Variants in DNAJC13 observed in about 807,000 individuals in gnomAD.
DNAJC13 encodes the protein dnaJ homolog subfamily C member 13.
A neutral mutation model predicts 290.5 loss-of-function variants in DNAJC13; 75 were observed. The observed-to-expected ratio is 0.26, with a 90% CI of 0.21 to 0.31. The LOEUF is 0.31. DNAJC13 is among the 10% of genes least tolerant of loss of function. The probability of loss-of-function intolerance (pLI) is 1.00; values close to 1 mark genes in which losing one functional copy is unlikely to be tolerated. For missense variants in DNAJC13, 2,260 were observed against 2,674.5 expected (o/e 0.85, Z 3.42); for synonymous variants, 862 against 892.0 (o/e 0.97, Z 0.60).
intron 15 of DNAJC13, among the ~76,000 whole-genome samples, chr3:132,462,201 G>A (rs1933820597): frequency 6.6e-6 from 1 of 152,032 alleles, no homozygotes; most frequent in African/African-American, 2.4e-5. Flanking sequence ...TCATTGATAT[G>A]TATCATTCAA....
In DNAJC13 at chr3:132,526,129, T is replaced by C. The variant is rs1450871813; in HGVS notation, c.6241-12T>C. On this transcript the variant is annotated splice_polypyrimidine_tract_variant and intron_variant, in intron 52 of 55. Transcript: ENST00000260818. ...GCCAGTCTACAAGTAACCTTCTCTT[T>C]TGGGCACTTAGCTGTGTGTTCGAGC... is the stretch of plus-strand genomic sequence containing the variant. The C allele has an allele frequency of 6.2e-7, 1 of 1,613,812 alleles. No individual in the cohort carries two copies. Among genetic ancestry groups the C allele is most frequent in the Non-Finnish European group, 8.5e-7 (1 of 1,179,866 alleles).
At chr3:132,519,868 G>T (rs1395655632) in intron 48 of DNAJC13, among the ~76,000 whole-genome samples, 2 of 152,124 alleles carry the variant, frequency 1.3e-5, no homozygotes, top group African/African-American at 4.8e-5. Context: ...AAAGAAAGAG[G>T]TTTATTGGAC....
intron 50 of DNAJC13, 44 bp downstream of exon 50, chr3:132,523,243 G>C (rs753719660): frequency 6.2e-7 from 1 of 1,605,186 alleles, no homozygotes. Flanking sequence ...TGTTGATTTA[G>C]TTGTTTTCAC....
intron 48 of DNAJC13, among the ~76,000 whole-genome samples, chr3:132,519,277 T>C (rs1254300103): frequency 2.0e-5 from 3 of 152,190 alleles, no homozygotes; most frequent in Non-Finnish European, 2.9e-5. Context: ...CATCTTCTTC[T>C]CTAACGCTTG....
chr3:132,453,820 C>A, intron 8 of DNAJC13, 126 bp downstream of exon 8: 2 of 816,562 alleles, frequency 2.4e-6, no homozygotes, highest in South Asian at 1.8e-5. Context: ...GTATTTAACT[C>A]TTAACATATT....
chr3:132,484,165 AT>A (rs1175544070), intron 28 of DNAJC13, among the ~76,000 whole-genome samples: 1 of 152,250 alleles, frequency 6.6e-6, no homozygotes, highest in Non-Finnish European at 1.5e-5. Context: ...ACTCAAAATT[AT>A]ACAGTTAGTA....
intron 41 of DNAJC13, among the ~76,000 whole-genome samples, chr3:132,504,857 A>T (rs183893009): frequency 6.6e-6 from 1 of 152,136 alleles, no homozygotes; most frequent in Admixed American, 6.5e-5. Flanking sequence ...CTCCCCATAA[A>T]TTTTATTTTC....
At chr3:132,530,443 C>G (rs187394672) in intron 54 of DNAJC13, among the ~76,000 whole-genome samples, 14 of 152,278 alleles carry the variant, frequency 9.2e-5, no homozygotes, top group Middle Eastern at 3.4e-3. Context: ...TATTTATACT[C>G]ATATATGTGT....
chr3:132,476,588 TA>T (rs896883886), intron 22 of DNAJC13, among the ~76,000 whole-genome samples: 2 of 152,192 alleles, frequency 1.3e-5, no homozygotes, highest in Non-Finnish European at 2.9e-5. Context: ...TCTGAGTCCT[TA>T]AAATGACTTA....
chr3:132,523,087 A>C, intron 49 of DNAJC13, 70 bp from the exon 50 acceptor site: 1 of 1,608,778 alleles, frequency 6.2e-7, no homozygotes, highest in South Asian at 1.1e-5. Flanking sequence ...CACCTCTAAA[A>C]CTTATGCTAA....
At position 132,472,431 on chromosome 3, in the gene DNAJC13, G is replaced by A. The variant is rs973187620; in HGVS notation, c.2209-714G>A. 3.0e-5 allele frequency: 12 copies of A among 397,826 alleles called. 1 individual carries two copies. The highest frequency in any genetic ancestry group is 3.1e-5 in the Non-Finnish European group (9 of 293,492). The allele number at this position is 397,826 out of a possible 1,614,324, so 24.6% of individuals were successfully genotyped here. A position where few individuals can be genotyped will look rare whatever the true frequency, so the allele number is the denominator to read the frequency against. On this transcript the variant is annotated intron_variant, in intron 20 of 55. Transcript: ENST00000260818. ...GAGTCACAGGCTTAGAGAAGCAGGT[G>A]CACCTATTTTAGTCTTAAAGTAAAG... is the stretch of plus-strand genomic sequence containing the variant.
At position 132,488,281 on chromosome 3, in the gene DNAJC13, T is replaced by C. The variant is rs753005619; in HGVS notation, c.3268-17T>C. ...GGTTTTTTACAACCCAATAAAAACA[T>C]TTTAATTTTTTTTCAGCTACTGCTG... On this transcript the variant is annotated splice_polypyrimidine_tract_variant and intron_variant, in intron 29 of 55. Transcript: ENST00000260818. The C allele has an allele frequency of 6.4e-7, 1 of 1,574,528 alleles. No homozygotes were observed. Among genetic ancestry groups the C allele is most frequent in the African/African-American group, 1.4e-5 (1 of 72,892 alleles).
intron 36 of DNAJC13, among the ~76,000 whole-genome samples, chr3:132,497,352 A>G (rs956395372): frequency 2.0e-5 from 3 of 152,200 alleles, no homozygotes; most frequent in Admixed American, 6.5e-5. Context: ...CAGATGCCCA[A>G]TGGCTTGGGA....
intron 54 of DNAJC13, among the ~76,000 whole-genome samples, chr3:132,529,558 C>T (rs1028650989): frequency 5.3e-5 from 8 of 152,188 alleles, no homozygotes; most frequent in East Asian, 3.9e-4. Flanking sequence ...GAGGCCGAGG[C>T]GGGTGGATCA....
chr3:132,530,044 C>G (rs2107753160), intron 54 of DNAJC13, among the ~76,000 whole-genome samples: 1 of 152,054 alleles, frequency 6.6e-6, no homozygotes, highest in East Asian at 1.9e-4. Context: ...TTCCTACACC[C>G]AAGGGAGGGG....
chr3:132,506,762 A>T lies in DNAJC13; in HGVS notation c.4999-475A>T, dbSNP rs146577042. 4.4e-3 allele frequency among the ~76,000 whole-genome samples: 671 copies of T among 151,364 alleles called. 6 individuals carry two copies. The highest frequency in any genetic ancestry group is 0.015 in the African/African-American group (599 of 41,310). The stretch of plus-strand genomic sequence containing the variant: ...AAACAGGGTTTCACCATGTTGGCCA[A>T]GATGGTCTCGATCTCTTGACCTCAT... On this transcript the variant is annotated intron_variant, in intron 42 of 55. Coordinates refer to ENST00000260818, the MANE Select transcript of DNAJC13 (RefSeq NM_015268.4).
At chr3:132,504,951 A>G (rs973488447) in intron 41 of DNAJC13, among the ~76,000 whole-genome samples, 1 of 152,184 alleles carries the variant, frequency 6.6e-6, no homozygotes, top group African/African-American at 2.4e-5. Flanking sequence ...ATTCTTTTCA[A>G]GCTTATAGTC....
intron 2 of DNAJC13, among the ~76,000 whole-genome samples, chr3:132,435,062 T>C (rs1939343448): frequency 1.3e-5 from 2 of 152,164 alleles, no homozygotes; most frequent in African/African-American, 4.8e-5. Context: ...AATTTAAAAA[T>C]TGGGTTTAAT....
chr3:132,435,479 T>C (rs985931437), intron 2 of DNAJC13, among the ~76,000 whole-genome samples: 2 of 152,236 alleles, frequency 1.3e-5, no homozygotes, highest in Non-Finnish European at 2.9e-5. Flanking sequence ...TAGGATGTGG[T>C]ATACATCTGA....
Sources: gnomAD v4.1 joint callset for allele counts (sites outside exome capture counted in the v4.1 genomes callset) on GRCh38, gnomAD v4.1.1 for gene constraint, MANE v1.5 for transcripts, NCBI Gene and HGNC (gene_info 2026-07-23, HGNC 2026-07-21) for gene names.